FOXP1: variants seen among roughly 807,000 people sequenced by gnomAD.
FOXP1 encodes the protein forkhead box P1, also known as forkhead box protein P1.
A neutral mutation model predicts 98.2 loss-of-function variants in FOXP1; 15 were observed. The observed-to-expected ratio is 0.15, with a 90% CI of 0.10 to 0.24. The LOEUF is 0.24. Ranked by LOEUF, FOXP1 falls within the 10% of genes least tolerant of loss-of-function variation. FOXP1 has a pLI of 1.00. For missense variants in FOXP1, 633 were observed against 848.5 expected (o/e 0.75, Z 3.15); for synonymous variants, 371 against 314.5 (o/e 1.18, Z -1.90).
chr3:71,074,364 C>T (rs1378860178), intron 7 of FOXP1, among the ~76,000 whole-genome samples: 1 of 152,112 alleles, frequency 6.6e-6, no homozygotes, highest in Non-Finnish European at 1.5e-5. Context: ...GTAGCTGGGA[C>T]TACAGGTGCC....
At chr3:71,262,439 C>A (rs1365870245) in intron 5 of FOXP1, among the ~76,000 whole-genome samples, 2 of 151,816 alleles carry the variant, frequency 1.3e-5, no homozygotes, top group Non-Finnish European at 2.9e-5. Flanking sequence ...TCTAATACTT[C>A]CAGAAATAAA....
At chr3:71,005,661 A>G (rs1224519183) in intron 12 of FOXP1, among the ~76,000 whole-genome samples, 2 of 152,116 alleles carry the variant, frequency 1.3e-5, no homozygotes, top group African/African-American at 4.8e-5. Flanking sequence ...TATCAAACAC[A>G]ATGTACCTCT....
chr3:71,404,393 C>G (rs895771360), intron 3 of FOXP1, among the ~76,000 whole-genome samples: 3 of 151,892 alleles, frequency 2.0e-5, no homozygotes, highest in African/African-American at 2.4e-5. Flanking sequence ...TCCCAAAGTG[C>G]TGGGATTACA....
At chr3:71,273,794 G>C (rs1025852318) in intron 5 of FOXP1, among the ~76,000 whole-genome samples, 6 of 152,204 alleles carry the variant, frequency 3.9e-5, no homozygotes, top group Non-Finnish European at 8.8e-5. Context: ...GGAATCAAAT[G>C]CTCTACTATT....
intron 3 of FOXP1, among the ~76,000 whole-genome samples, chr3:71,428,596 T>C (rs1274658922): frequency 1.3e-5 from 2 of 152,178 alleles, no homozygotes; most frequent in Non-Finnish European, 2.9e-5. Context: ...TCATGAGAAG[T>C]CCCTATTGAG....
chr3:71,575,821 G>A (rs2047680520), intron 2 of FOXP1, among the ~76,000 whole-genome samples: 1 of 152,226 alleles, frequency 6.6e-6, no homozygotes, highest in Admixed American at 6.5e-5. Context: ...AGGGAACCTG[G>A]AGCAGAGAAA....
chr3:71,543,592 G>A (rs193148035), intron 2 of FOXP1: 4 of 152,384 alleles, frequency 2.6e-5, no homozygotes, highest in African/African-American at 9.6e-5. Context: ...CAGATCCAAG[G>A]GTGTATGTGA....
At chr3:70,992,725 C>A (rs1294485042) in intron 13 of FOXP1, among the ~76,000 whole-genome samples, 6 of 152,182 alleles carry the variant, frequency 3.9e-5, no homozygotes, top group Non-Finnish European at 7.3e-5. Flanking sequence ...CAGACGCACA[C>A]TAATACTAAG....
At chr3:71,547,411 C>A (rs368770018) in intron 2 of FOXP1, among the ~76,000 whole-genome samples, 10 of 152,280 alleles carry the variant, frequency 6.6e-5, no homozygotes, top group East Asian at 3.9e-4. Context: ...AGGCCTTATC[C>A]AAAAAGAAGG....
intron 19 of FOXP1, among the ~76,000 whole-genome samples, chr3:70,967,686 T>TG (rs1305982951): frequency 1.6e-5 from 2 of 128,686 alleles, no homozygotes; most frequent in South Asian, 5.0e-4. Flanking sequence ...TACTATTATT[T>TG]GTTTTTTTTT....
At chr3:71,178,491 T>A (rs1385276363) in intron 6 of FOXP1, among the ~76,000 whole-genome samples, 1 of 152,142 alleles carries the variant, frequency 6.6e-6, no homozygotes, top group Non-Finnish European at 1.5e-5. Context: ...CACTCATGCC[T>A]GTAATCACTG....
intron 5 of FOXP1, 33 bp from the exon 6 acceptor site, chr3:71,198,425 A>AGGGG (rs747142970): frequency 3.2e-4 from 168 of 529,772 alleles, no homozygotes; most frequent in East Asian, 1.4e-3. Flanking sequence ...GGGGGGAGGG[A>AGGGG]GGGGGGGAGA....
At chr3:71,477,138 C>G (rs978809473) in intron 3 of FOXP1, among the ~76,000 whole-genome samples, 4 of 152,142 alleles carry the variant, frequency 2.6e-5, no homozygotes, top group African/African-American at 9.7e-5. Context: ...TCTGTAGCAA[C>G]AGGTGCACAA....
Position 71,523,532 on chromosome 3 carries a change from T to G in FOXP1, c.-297-29977A>C, listed in dbSNP as rs1049076560. Among the ~76,000 whole-genome samples the G allele has an allele frequency of 2.6e-5, 4 of 152,194 alleles. No homozygotes were observed. In the South Asian group the frequency reaches 8.3e-4, roughly 32 times the overall value. ...CCAATATATTGTTTTGAATAATACATTCAAAACAGTAGCAAGAGCCACTTA... is the reference window on the plus strand; with the variant it reads ...CCAATATATTGTTTTGAATAATACAGTCAAAACAGTAGCAAGAGCCACTTA... On this transcript the variant is annotated intron_variant, in intron 2 of 20. Transcript: ENST00000649528.
intron 12 of FOXP1, among the ~76,000 whole-genome samples, chr3:71,009,159 G>GA (rs1559707450): frequency 7.6e-5 from 6 of 78,742 alleles, no homozygotes; most frequent in African/African-American, 3.0e-4. Flanking sequence ...TGGGGGCGGG[G>GA]GGGGGGGGGC....
intron 2 of FOXP1, among the ~76,000 whole-genome samples, chr3:71,534,906 A>T (rs1578060592): frequency 6.6e-6 from 1 of 152,214 alleles, no homozygotes; most frequent in African/African-American, 2.4e-5. Flanking sequence ...GCCAGAGCTG[A>T]CCTATGAGGG....
At chr3:71,368,185 T>A (rs1165894589) in intron 3 of FOXP1, among the ~76,000 whole-genome samples, 1 of 152,148 alleles carries the variant, frequency 6.6e-6, no homozygotes, top group African/African-American at 2.4e-5. Context: ...AGTACAATGG[T>A]GTGATCTCGG....
chr3:71,261,568 A>T (rs532596253), intron 5 of FOXP1, among the ~76,000 whole-genome samples: 2 of 152,198 alleles, frequency 1.3e-5, no homozygotes, highest in Non-Finnish European at 1.5e-5. Flanking sequence ...ATTTATCAAC[A>T]TCTATCTACC....
intron 11 of FOXP1, among the ~76,000 whole-genome samples, chr3:71,039,180 T>G (rs1211919280): frequency 1.3e-5 from 2 of 152,120 alleles, no homozygotes; most frequent in Admixed American, 6.5e-5. Context: ...CTTTTTTGCA[T>G]GTACAATTGG....
Sources: gnomAD v4.1 joint callset for allele counts (sites outside exome capture counted in the v4.1 genomes callset) on GRCh38, gnomAD v4.1.1 for gene constraint, MANE v1.5 for transcripts, NCBI Gene and HGNC (gene_info 2026-07-23, HGNC 2026-07-21) for gene names.